The following ORC5 variants were observed in gnomAD, a reference collection of about 807,000 sequenced individuals.
The protein encoded by ORC5 is protein phosphatase 1, regulatory subunit 117.
ORC5 carries 39 observed loss-of-function variants against 58.8 expected under a neutral mutation model. That is an observed-to-expected ratio of 0.66 (90% confidence interval 0.51 to 0.87). The LOEUF (loss-of-function observed/expected upper bound fraction) is 0.87. ORC5 is among the 40% of genes least tolerant of loss of function. The pLI is 0.00. For synonymous variants in ORC5, 218 were observed against 177.6 expected (o/e 1.23, Z -1.81); for missense variants, 493 against 506.3 (o/e 0.97, Z 0.25).
At chr7:104,130,870 C>T (rs1798502659) in intron 13 of ORC5, among the ~76,000 whole-genome samples, 2 of 152,160 alleles carry the variant, frequency 1.3e-5, no homozygotes, top group African/African-American at 2.4e-5. Context: ...ATTATTAGCC[C>T]CCGACTGGCT....
At chr7:104,180,605 G>A (rs995037600) in intron 8 of ORC5, among the ~76,000 whole-genome samples, 13 of 145,250 alleles carry the variant, frequency 9.0e-5, no homozygotes, top group Admixed American at 8.9e-4. Context: ...AACTAACTTG[G>A]ATTTTCTAGC....
At chr7:104,197,572 G>GA (rs1018525178) in intron 4 of ORC5, among the ~76,000 whole-genome samples, 153 bp downstream of exon 4, 23 of 151,970 alleles carry the variant, frequency 1.5e-4, no homozygotes, top group African/African-American at 4.8e-4. Context: ...ATTTTACTAT[G>GA]AAAAAAACAC....
At chr7:104,159,559 G>A in intron 12 of ORC5, among the ~76,000 whole-genome samples, 1 of 147,084 alleles carries the variant, frequency 6.8e-6, no homozygotes. Flanking sequence ...ACATTTTAAT[G>A]CCCTAGAATA....
intron 1 of ORC5, among the ~76,000 whole-genome samples, chr7:104,204,471 A>G (rs982279917): frequency 4.6e-5 from 7 of 152,204 alleles, no homozygotes; most frequent in African/African-American, 1.7e-4. Context: ...TATGTACTAT[A>G]TATTTATATT....
intron 6 of ORC5, among the ~76,000 whole-genome samples, chr7:104,185,799 A>T (rs116235107): frequency 0.047 from 7,156 of 151,878 alleles, 530 homozygotes; most frequent in African/African-American, 0.16. Flanking sequence ...ATTTAAAAAA[A>T]ATATATATAT....
rs146788922 is a variant in ORC5, at chr7:104,172,877, T to C, written c.825-4352A>G. On this transcript the variant is annotated intron_variant, in intron 8 of 13. Transcript: ENST00000297431. ...TTAATAATAGACAAATGTCGATTTATAACGGTTCATATATTTATTTTAAAA... is the reference window on the plus strand; with the variant it reads ...TTAATAATAGACAAATGTCGATTTACAACGGTTCATATATTTATTTTAAAA... Among the ~76,000 whole-genome samples, 8 of 152,126 alleles carry C rather than the reference T, an allele frequency of 5.3e-5. No homozygotes were observed. The East Asian group carries it at 1.4e-3, about 26-fold the overall frequency.
At chr7:104,150,858 CAT>C (rs35612578) in intron 12 of ORC5, among the ~76,000 whole-genome samples, 59,110 of 151,628 alleles carry the variant, frequency 0.39, 13,455 homozygotes, top group Non-Finnish European at 0.53. Context: ...ATGGTAATGA[CAT>C]AAAATGAGTG....
intron 6 of ORC5, among the ~76,000 whole-genome samples, chr7:104,186,337 G>C (rs1799543439): frequency 6.6e-6 from 1 of 152,084 alleles, no homozygotes; most frequent in Non-Finnish European, 1.5e-5. Flanking sequence ...TGATCGCAGG[G>C]TTTGAGTGTG....
At chr7:104,181,512 G>A (rs548099380) in intron 8 of ORC5, among the ~76,000 whole-genome samples, 179 of 152,258 alleles carry the variant, frequency 1.2e-3, no homozygotes, top group African/African-American at 4.1e-3. Flanking sequence ...GAGGCCGGGT[G>A]TGGTGGCTCA....
intron 12 of ORC5, among the ~76,000 whole-genome samples, chr7:104,158,921 G>A (rs1008449985): frequency 1.2e-4 from 18 of 145,762 alleles, no homozygotes; most frequent in South Asian, 2.2e-4. Flanking sequence ...TCAGTGCGGC[G>A]ATTCCTCAGG....
chr7:104,185,698 A>G (rs2115986305), intron 6 of ORC5, among the ~76,000 whole-genome samples: 1 of 152,316 alleles, frequency 6.6e-6, no homozygotes, highest in African/African-American at 2.4e-5. Context: ...TTAACTAATT[A>G]TAACTACTTA....
At chr7:104,145,806 C>T (rs142649183) in intron 12 of ORC5, among the ~76,000 whole-genome samples, 1 of 152,032 alleles carries the variant, frequency 6.6e-6, no homozygotes, top group African/African-American at 2.4e-5. Context: ...CACCCAAGAG[C>T]GAAAGGTGAA....
At position 104,184,190 on chromosome 7, in the gene ORC5, AAAG is replaced by A. The variant is rs571460763; in HGVS notation, c.685-22_685-20del. The A allele has an allele frequency of 2.2e-4, 322 of 1,452,294 alleles. 1 individual carries two copies. The African/African-American group carries it at 4.0e-3, about 18-fold the overall frequency. 90.0% of individuals were successfully genotyped at this position (1,452,294 alleles called of 1,614,324 possible). On this transcript the variant is annotated intron_variant, in intron 6 of 13. Coordinates refer to ENST00000297431, the MANE Select transcript of ORC5 (RefSeq NM_002553.4). ...GTACTGCCTGTAAGTAAAGAAAAAAAAAGAGAAGAAAAAAAGCACTGATCGATC... is the reference window on the plus strand; with the variant it reads ...GTACTGCCTGTAAGTAAAGAAAAAAAAGAAGAAAAAAAGCACTGATCGATC...
rs150413534 is a variant in ORC5, at chr7:104,161,873, G to C, written c.1039-691C>G. 3.1e-4 allele frequency among the ~76,000 whole-genome samples: 47 copies of C among 152,252 alleles called. 1 individual carries two copies. The highest frequency in any genetic ancestry group is 3.4e-3 in the Middle Eastern group (1 of 294). On this transcript the variant is annotated intron_variant, in intron 11 of 13. Coordinates refer to ENST00000297431, the MANE Select transcript of ORC5 (RefSeq NM_002553.4). ...AACCAAACCAGATTCCTAAGTTGTAGACTAGAGCTTACTACTTATTTCTCA... is the reference window on the plus strand; with the variant it reads ...AACCAAACCAGATTCCTAAGTTGTACACTAGAGCTTACTACTTATTTCTCA...
intron 12 of ORC5, among the ~76,000 whole-genome samples, chr7:104,158,918 G>A (rs540613672): frequency 1.9e-4 from 28 of 147,066 alleles, no homozygotes; most frequent in East Asian, 4.0e-4. Flanking sequence ...AAGTCAGTGC[G>A]GCGATTCCTC....
chr7:104,147,222 G>A (rs1009424952), intron 12 of ORC5, among the ~76,000 whole-genome samples: 9 of 128,306 alleles, frequency 7.0e-5, no homozygotes, highest in African/African-American at 2.6e-4. Flanking sequence ...CAGACTCAAG[G>A]AGGATTTGTA....
At chr7:104,157,446 G>T (rs1179385842) in intron 12 of ORC5, among the ~76,000 whole-genome samples, 1 of 152,008 alleles carries the variant, frequency 6.6e-6, no homozygotes, top group African/African-American at 2.4e-5. Context: ...ATTATAAAAT[G>T]TTAATTAGAA....
At chr7:104,148,933 C>T (rs1798802755) in intron 12 of ORC5, among the ~76,000 whole-genome samples, 1 of 151,332 alleles carries the variant, frequency 6.6e-6, no homozygotes, top group African/African-American at 2.4e-5. Context: ...ATTTGGGAGG[C>T]TGAGGCAGGA....
At chr7:104,164,693 T>G (rs1313271905) in intron 11 of ORC5, among the ~76,000 whole-genome samples, 1 of 152,202 alleles carries the variant, frequency 6.6e-6, no homozygotes, top group African/African-American at 2.4e-5. Flanking sequence ...CTTTCACCAG[T>G]TTCAACCTTA....
Sources: gnomAD v4.1 joint callset for allele counts (sites outside exome capture counted in the v4.1 genomes callset) on GRCh38, gnomAD v4.1.1 for gene constraint, MANE v1.5 for transcripts, NCBI Gene and HGNC (gene_info 2026-07-23, HGNC 2026-07-21) for gene names.